STXBP4: variants seen among roughly 807,000 people sequenced by gnomAD.
STXBP4 encodes syntaxin binding protein 4.
STXBP4 carries 55 observed loss-of-function variants against 76.1 expected under a neutral mutation model. The observed-to-expected ratio is 0.72, with a 90% CI of 0.58 to 0.91. STXBP4 has a LOEUF of 0.91. STXBP4 is among the 40% of genes least tolerant of loss of function. The pLI, the probability that STXBP4 is intolerant of heterozygous loss-of-function variation, is 0.00. For missense variants in STXBP4, 618 were observed against 636.9 expected, an observed-to-expected ratio of 0.97 and a Z score of 0.32; for synonymous variants, 201 against 220.2, an observed-to-expected ratio of 0.91 and a Z score of 0.77.
At chr17:54,988,082 T>C (rs943723622) in intron 3 of STXBP4, among the ~76,000 whole-genome samples, 1 of 152,192 alleles carries the variant, frequency 6.6e-6, no homozygotes. Context: ...TATAAATTTA[T>C]GTTTAAGAAG....
rs1243955902 is a variant in STXBP4 at position 54,986,281 on chromosome 17, T to C, written c.47+15T>C. The C allele has an allele frequency of 6.5e-7, 1 of 1,541,656 alleles. No homozygotes were observed. Among genetic ancestry groups the C allele is most frequent in the Non-Finnish European group, 8.9e-7 (1 of 1,126,946 alleles). ...CTACTTGAAAAGTAATTTTTAAGTT[T>C]AATATGTTTTGAAATATAGTTTGAA... is the stretch of plus-strand genomic sequence containing the variant. On this transcript the variant is annotated intron_variant, in intron 3 of 17. Coordinates refer to ENST00000376352, the MANE Select transcript of STXBP4 (RefSeq NM_178509.6).
chr17:55,064,831 C>A (rs2079031578), intron 12 of STXBP4, among the ~76,000 whole-genome samples: 1 of 151,990 alleles, frequency 6.6e-6, no homozygotes, highest in African/African-American at 2.4e-5. Flanking sequence ...TGTTGTCAAA[C>A]CTTTGTCTTT....
chr17:55,005,746 G>A (rs1342444902), intron 7 of STXBP4, among the ~76,000 whole-genome samples: 1 of 152,114 alleles, frequency 6.6e-6, no homozygotes, highest in Non-Finnish European at 1.5e-5. Flanking sequence ...TAGTGTTAAT[G>A]TGCCTTAATT....
At chr17:55,058,404 C>T (rs544790605) in intron 12 of STXBP4, among the ~76,000 whole-genome samples, 3 of 152,040 alleles carry the variant, frequency 2.0e-5, no homozygotes, top group Admixed American at 2.0e-4. Context: ...GGGGTTAATA[C>T]ATTTAAATTT....
intron 16 of STXBP4, among the ~76,000 whole-genome samples, chr17:55,097,532 G>A (rs536953297): frequency 8.5e-5 from 13 of 152,096 alleles, no homozygotes; most frequent in South Asian, 4.2e-4. Flanking sequence ...GCGTGGTGGC[G>A]GGTGCCTGTA....
chr17:55,013,885 G>A (rs1402957637), intron 8 of STXBP4, among the ~76,000 whole-genome samples: 4 of 152,136 alleles, frequency 2.6e-5, no homozygotes, highest in Non-Finnish European at 4.4e-5. Flanking sequence ...GAGTCAGGAT[G>A]TACAGGGATG....
chr17:55,061,929 A>C (rs966686859), intron 12 of STXBP4, among the ~76,000 whole-genome samples: 1 of 152,084 alleles, frequency 6.6e-6, no homozygotes, highest in Non-Finnish European at 1.5e-5. Flanking sequence ...TGCAAGATGA[A>C]ACTACTGGGG....
Position 55,170,167 on chromosome 17 carries a change from C to G in STXBP4, c.*10256C>G, listed in dbSNP as rs2080398306. On this transcript the variant is annotated 3_prime_UTR_variant, in exon 18 of 18. Coordinates refer to ENST00000376352, the MANE Select transcript of STXBP4 (RefSeq NM_178509.6). ...ATTTCTTCTTCTGTGAATTTATCCT[C>G]ACAAATGACCCCAAGTTTAGACCAA... The G allele has an allele frequency of 6.6e-6, 1 of 152,138 alleles. No homozygotes were observed. The allele number at this position is 152,138 out of a possible 1,614,324, so 9.4% of individuals were successfully genotyped here.
At chr17:55,082,457 T>A (rs915550381) in intron 16 of STXBP4, among the ~76,000 whole-genome samples, 9 of 152,162 alleles carry the variant, frequency 5.9e-5, no homozygotes, top group African/African-American at 2.2e-4. Flanking sequence ...AAAATGGAAT[T>A]TTGTTCCAGA....
At chr17:55,057,774 A>G (rs1298631762) in intron 12 of STXBP4, among the ~76,000 whole-genome samples, 2 of 151,632 alleles carry the variant, frequency 1.3e-5, no homozygotes, top group African/African-American at 2.4e-5. Context: ...TCATTGTTCA[A>G]CTCTCACTTA....
intron 16 of STXBP4, among the ~76,000 whole-genome samples, chr17:55,126,780 T>C (rs1271914206): frequency 6.6e-6 from 1 of 152,172 alleles, no homozygotes; most frequent in Non-Finnish European, 1.5e-5. Flanking sequence ...GTGATGAGCA[T>C]TGCAGGTAGA....
chr17:55,092,726 C>T (rs2079431280), intron 16 of STXBP4, among the ~76,000 whole-genome samples: 1 of 152,240 alleles, frequency 6.6e-6, no homozygotes. Flanking sequence ...TTAGAAGTTA[C>T]TTAAGCAGAT....
intron 16 of STXBP4, among the ~76,000 whole-genome samples, chr17:55,134,098 A>G (rs554745024): frequency 2.2e-4 from 34 of 152,138 alleles, no homozygotes; most frequent in Admixed American, 2.0e-3. Flanking sequence ...AAAGCGGACA[A>G]TTGTTGGATT....
intron 7 of STXBP4, among the ~76,000 whole-genome samples, chr17:55,006,211 G>T (rs1440196552): frequency 6.6e-6 from 1 of 151,924 alleles, no homozygotes; most frequent in Non-Finnish European, 1.5e-5. Flanking sequence ...TTATGATCTT[G>T]ACACCTATAA....
At chr17:55,062,331 C>A (rs2079004278) in intron 12 of STXBP4, among the ~76,000 whole-genome samples, 1 of 152,106 alleles carries the variant, frequency 6.6e-6, no homozygotes. Context: ...TGAGTAAGAA[C>A]ATGCAGTGTT....
intron 16 of STXBP4, among the ~76,000 whole-genome samples, chr17:55,095,433 TG>T (rs1205577912): frequency 2.6e-5 from 4 of 152,174 alleles, no homozygotes; most frequent in Non-Finnish European, 5.9e-5. Context: ...TGCCTTATTT[TG>T]GGTTAGTGGA....
Position 55,135,042 on chromosome 17 carries a change from T to TA in STXBP4, c.1490-6261dup, listed in dbSNP as rs1008061835. Among the ~76,000 whole-genome samples, 72 of 152,142 alleles carry TA rather than the reference T, an allele frequency of 4.7e-4. 1 individual carries two copies. Among genetic ancestry groups the TA allele is most frequent in the African/African-American group, 1.5e-3 (64 of 41,520 alleles). On this transcript the variant is annotated intron_variant, in intron 16 of 17. Transcript: ENST00000376352. ...GCTGAGAGTGAGAGAACTCCAACTG[T>TA]AAAAAAATACTGAATTTTGCATCTA... is the stretch of plus-strand genomic sequence containing the variant.
At chr17:55,063,449 T>C (rs887639469) in intron 12 of STXBP4, among the ~76,000 whole-genome samples, 2 of 152,222 alleles carry the variant, frequency 1.3e-5, no homozygotes, top group Non-Finnish European at 2.9e-5. Flanking sequence ...GAACTGATGC[T>C]GTTAAAGTTC....
the STXBP4 span, among the ~76,000 whole-genome samples, chr17:55,186,136 C>T: frequency 6.6e-6 from 1 of 152,220 alleles, no homozygotes; most frequent in South Asian, 2.1e-4. Flanking sequence ...AAACCCTCCA[C>T]GTGATTGCTG....
Sources: gnomAD v4.1 joint callset for allele counts (sites outside exome capture counted in the v4.1 genomes callset) on GRCh38, gnomAD v4.1.1 for gene constraint, MANE v1.5 for transcripts, NCBI Gene and HGNC (gene_info 2026-07-23, HGNC 2026-07-21) for gene names.